Variants in ZSWIM4 observed in about 807,000 individuals in gnomAD.
The protein encoded by ZSWIM4 is zinc finger SWIM-type containing 4.
ZSWIM4 carries 62 observed loss-of-function variants against 102.5 expected under a neutral mutation model. The ratio of observed to expected loss-of-function variants is 0.60; its 90% CI spans 0.49 to 0.75. The LOEUF (loss-of-function observed/expected upper bound fraction) is 0.75, where lower values mean the gene tolerates loss of function less well. Among genes scored for constraint, ZSWIM4 ranks in the 30% least tolerant of loss-of-function variants. The pLI, the probability that ZSWIM4 is intolerant of heterozygous loss-of-function variation, is 0.00. For missense variants in ZSWIM4, 1,280 were observed against 1,529.6 expected (o/e 0.84, Z 2.72); for synonymous variants, 652 against 674.5 (o/e 0.97, Z 0.52).
intron 13 of ZSWIM4, among the ~76,000 whole-genome samples, chr19:13,829,348 T>C (rs540918942): frequency 6.6e-6 from 1 of 152,170 alleles, no homozygotes; most frequent in South Asian, 2.1e-4. Flanking sequence ...CCTAGCACTT[T>C]GGGAGGCCAA....
At chr19:13,821,458 C>G (rs1211581827) in intron 10 of ZSWIM4, among the ~76,000 whole-genome samples, 2 of 151,984 alleles carry the variant, frequency 1.3e-5, no homozygotes, top group African/African-American at 4.8e-5. Flanking sequence ...TGCTTGAGCC[C>G]AGGAATTCAA....
At chr19:13,818,720 C>G (rs147833655) in intron 9 of ZSWIM4, among the ~76,000 whole-genome samples, 3 of 151,896 alleles carry the variant, frequency 2.0e-5, no homozygotes, top group African/African-American at 7.3e-5. Flanking sequence ...TGCGCCACCA[C>G]ACCCGGCTGA....
Position 13,817,246 on chromosome 19 carries a change from C to T in ZSWIM4, c.1562C>T (p.Thr521Ile), listed in dbSNP as rs1975315243. 1 of 1,613,736 alleles carries T rather than the reference C, an allele frequency of 6.2e-7. No homozygotes were observed. Among genetic ancestry groups the T allele is most frequent in the Non-Finnish European group, 8.5e-7 (1 of 1,179,804 alleles). ...ELLQKGSTCI[T>I]NTEGWVGHPL... Reference sequence around the variant, plus strand: ...CTCCAGAAGGGCTCCACCTGCATCACCAACACCGAAGGATGGGTGGGGCAC... The same window carrying T: ...CTCCAGAAGGGCTCCACCTGCATCATCAACACCGAAGGATGGGTGGGGCAC... The change falls in exon 8 of 14, where the codon ACC becomes ATC. Residue 521 changes from threonine to isoleucine, a missense_variant. Coordinates refer to ENST00000590508, the MANE Select transcript of ZSWIM4 (RefSeq NM_001367834.3).
intron 2 of ZSWIM4, among the ~76,000 whole-genome samples, chr19:13,800,262 TTTTTTTTTTTTTTTTTTTTTTG>T: frequency 1.5e-5 from 1 of 67,714 alleles, no homozygotes; most frequent in African/African-American, 8.1e-5. Context: ...TTTTTTTTTT[TTTTTTTTTTTTTTTTTTTTTTG>T]AGACGGAGTC....
At chr19:13,806,545 G>A (rs538830378) in intron 3 of ZSWIM4, among the ~76,000 whole-genome samples, 1 of 151,962 alleles carries the variant, frequency 6.6e-6, no homozygotes, top group African/African-American at 2.4e-5. Flanking sequence ...GCACACACAC[G>A]CCTGTAGATA....
At chr19:13,813,920 CAAAAA>C (rs34407290) in intron 6 of ZSWIM4, among the ~76,000 whole-genome samples, 1 of 100,524 alleles carries the variant, frequency 9.9e-6, no homozygotes, top group African/African-American at 3.2e-5. Flanking sequence ...GACCCTGTCT[CAAAAA>C]AAAAAAAAAA....
intron 3 of ZSWIM4, among the ~76,000 whole-genome samples, chr19:13,807,497 G>C (rs1974948450): frequency 6.6e-6 from 1 of 152,062 alleles, no homozygotes; most frequent in Non-Finnish European, 1.5e-5. Flanking sequence ...AGGAGAGATA[G>C]ATGAATGGAT....
Position 13,799,918 on chromosome 19 carries a change from G to A in ZSWIM4, c.352G>A (p.Val118Met), listed in dbSNP as rs1324380855. The A allele has an allele frequency of 3.7e-6, 6 of 1,609,660 alleles. No homozygotes were observed. The highest frequency in any genetic ancestry group is 2.2e-5 in the South Asian group (2 of 91,022). The change falls in exon 2 of 14, where the codon GTG becomes ATG. Residue 118 changes from valine (V) to methionine (M), a missense_variant. By Grantham distance (21) the Val-to-Met change is conservative. Coordinates refer to ENST00000590508, the MANE Select transcript of ZSWIM4 (RefSeq NM_001367834.3). ...CGGGGCCGTGGACCGCGTGTTGCAA[G>A]TGGGTGAGTCTTTGTCCCCCACTCC... ...QSGAVDRVLQVGFHLSGNIRE... is the reference protein window; with the variant it reads ...QSGAVDRVLQMGFHLSGNIRE...
At chr19:13,807,617 T>TGGAA (rs1974953481) in intron 3 of ZSWIM4, among the ~76,000 whole-genome samples, 2 of 149,316 alleles carry the variant, frequency 1.3e-5, no homozygotes, top group Admixed American at 6.6e-5. Flanking sequence ...GATGGATGGA[T>TGGAA]GAATATTACT....
chr19:13,829,114 A>AG (rs547762435), intron 13 of ZSWIM4, among the ~76,000 whole-genome samples: 24 of 148,314 alleles, frequency 1.6e-4, no homozygotes, highest in Middle Eastern at 3.5e-3. Flanking sequence ...GGAAAAAAAA[A>AG]AGAGAGAGAG....
chr19:13,830,372 G>A lies in ZSWIM4; in HGVS notation c.2643G>A (p.Met881Ile), dbSNP rs1464592497. Residue 881 changes from methionine to isoleucine, a missense_variant, in exon 14 of 14, where the codon ATG (methionine) becomes ATA (isoleucine). Physicochemically the swap from Met to Ile is conservative, Grantham distance 10. Transcript: ENST00000590508. ...GCACCCTGGCCTTGCAGTGCGCGAT[G>A]AAGGACCCTCAGAACTGCGCCTTGC... ...CARTLALQCA[M>I]KDPQNCALPA... The A allele has an allele frequency of 6.2e-7, 1 of 1,613,060 alleles. No individual in the cohort carries two copies. Among genetic ancestry groups the A allele is most frequent in the Admixed American group, 1.7e-5 (1 of 60,034 alleles).
At chr19:13,810,061 C>A (rs1975033985) in intron 5 of ZSWIM4, among the ~76,000 whole-genome samples, 1 of 150,874 alleles carries the variant, frequency 6.6e-6, no homozygotes, top group Admixed American at 6.6e-5. Context: ...GTGGTACTAT[C>A]TTGGCTCACT....
At position 13,831,337 on chromosome 19, in the gene ZSWIM4, C is replaced by T. The variant is rs1169563632; in HGVS notation, c.*287C>T. On this transcript the variant is annotated 3_prime_UTR_variant, in exon 14 of 14. Transcript: ENST00000590508. The stretch of plus-strand genomic sequence containing the variant: ...CTTTGGGCACCCCAAAAGCAATAGG[C>T]AAACTCCCCTTACCCAGACTGGCTT... The T allele has an allele frequency of 5.3e-6, 2 of 377,782 alleles. No homozygotes were observed. Among genetic ancestry groups the T allele is most frequent in the South Asian group, 4.8e-5 (1 of 20,656 alleles). 23.4% of individuals were successfully genotyped at this position (377,782 alleles called of 1,614,324 possible).
intron 8 of ZSWIM4, among the ~76,000 whole-genome samples, 154 bp downstream of exon 8, chr19:13,817,507 A>G (rs1032312402): frequency 6.6e-6 from 1 of 152,150 alleles, no homozygotes; most frequent in Admixed American, 6.5e-5. Context: ...CCCAGAGCCA[A>G]TAGGCTTAGC....
Position 13,825,792 on chromosome 19 carries a change from A to T in ZSWIM4, c.2379+79A>T. 2.0e-6 allele frequency: 3 copies of T among 1,508,244 alleles called. No homozygotes were observed. In the South Asian group the frequency reaches 3.8e-5, roughly 19 times the overall value. The allele number at this position is 1,508,244 out of a possible 1,614,324, so 93.4% of individuals were successfully genotyped here. A position where few individuals can be genotyped will look rare whatever the true frequency, so the allele number is the denominator to read the frequency against. On this transcript the variant is annotated intron_variant, in intron 12 of 13. Coordinates refer to ENST00000590508, the MANE Select transcript of ZSWIM4 (RefSeq NM_001367834.3). The surrounding 1 kb of genome is among the most constrained non-coding windows in gnomAD (Gnocchi z 4.6). ...GACTGTGAGCTGCGCCTCCCGGGGC[A>T]TGGGCTGAGTGTGAGCCACTTCGCT...
intron 3 of ZSWIM4, 151 bp downstream of exon 3, chr19:13,805,299 C>G: frequency 1.5e-6 from 1 of 677,854 alleles, no homozygotes. Flanking sequence ...CTGAGGTCAC[C>G]CACCTGGTGA....
At chr19:13,828,799 C>G in intron 13 of ZSWIM4, 73 bp downstream of exon 13, 1 of 1,461,234 alleles carries the variant, frequency 6.8e-7, no homozygotes, top group African/African-American at 1.4e-5. Context: ...GAGAACCAGG[C>G]AGACAAGAAA....
At chr19:13,800,131 G>A (rs538760501) in intron 2 of ZSWIM4, among the ~76,000 whole-genome samples, 2 of 146,508 alleles carry the variant, frequency 1.4e-5, no homozygotes, top group East Asian at 4.1e-4. Flanking sequence ...GCAGTGGCGC[G>A]ATCTCGGCTC....
chr19:13,827,600 A>G (rs952164684), intron 12 of ZSWIM4, among the ~76,000 whole-genome samples: 1 of 150,974 alleles, frequency 6.6e-6, no homozygotes, highest in African/African-American at 2.4e-5. Flanking sequence ...AAAAAAAAAA[A>G]AAAAAAAGAA....
Sources: allele counts gnomAD v4.1 joint callset (sites outside exome capture counted in the v4.1 genomes callset), GRCh38; gene constraint gnomAD v4.1.1; non-coding constraint Gnocchi (gnomAD v3.1); transcripts MANE v1.5; gene names NCBI Gene and HGNC (gene_info 2026-07-23, HGNC 2026-07-21).